Variants in MKLN1 observed in about 807,000 individuals in gnomAD.
MKLN1 encodes the protein muskelin 1.
Under a neutral mutation model 99.0 loss-of-function variants are expected in MKLN1, and 18 were observed. The ratio of observed to expected loss-of-function variants is 0.18; its 90% CI spans 0.13 to 0.27. The LOEUF is 0.27. Ranked by LOEUF, MKLN1 falls within the 10% of genes least tolerant of loss-of-function variation. MKLN1 has a pLI of 1.00. For missense variants in MKLN1, 621 were observed against 875.9 expected (o/e 0.71, Z 3.67); for synonymous variants, 288 against 293.2 (o/e 0.98, Z 0.18).
intron 3 of MKLN1, among the ~76,000 whole-genome samples, chr7:131,227,895 T>A (rs1797181653): frequency 6.6e-6 from 1 of 152,032 alleles, no homozygotes; most frequent in African/African-American, 2.4e-5. Context: ...TTATTATGCA[T>A]CCTTTGCTCA....
At chr7:131,473,457 A>G (rs1796883933) in intron 16 of MKLN1, among the ~76,000 whole-genome samples, 1 of 152,134 alleles carries the variant, frequency 6.6e-6, no homozygotes, top group Admixed American at 6.5e-5. Context: ...AAAAAATGTT[A>G]TTGGCTTCCT....
At chr7:131,171,823 T>C (rs945477829) in intron 2 of MKLN1, among the ~76,000 whole-genome samples, 1 of 152,196 alleles carries the variant, frequency 6.6e-6, no homozygotes, top group African/African-American at 2.4e-5. Context: ...AAATACAACA[T>C]TGACAAAGAA....
intron 3 of MKLN1, among the ~76,000 whole-genome samples, chr7:131,278,774 G>A (rs1222736204): frequency 2.0e-5 from 3 of 151,278 alleles, no homozygotes; most frequent in Non-Finnish European, 2.9e-5. Context: ...TTAAAATTTA[G>A]TTTTTTGTAG....
chr7:131,393,777 A>G (rs868798186), intron 4 of MKLN1, among the ~76,000 whole-genome samples: 2 of 152,004 alleles, frequency 1.3e-5, no homozygotes, highest in African/African-American at 2.4e-5. Flanking sequence ...GGCACATACT[A>G]TCATGCCCAG....
intron 1 of MKLN1, among the ~76,000 whole-genome samples, chr7:131,133,642 G>A (rs974713109): frequency 1.3e-5 from 2 of 150,970 alleles, no homozygotes; most frequent in African/African-American, 4.9e-5. Flanking sequence ...GTGAGCCACC[G>A]CGCCCAGCCT....
chr7:131,360,707 CAT>C (rs983877180), intron 1 of MKLN1, among the ~76,000 whole-genome samples: 1 of 152,072 alleles, frequency 6.6e-6, no homozygotes, highest in African/African-American at 2.4e-5. Flanking sequence ...GTAAAAAATA[CAT>C]GTTTTAATTT....
intron 16 of MKLN1, among the ~76,000 whole-genome samples, chr7:131,474,540 G>A (rs1031502451): frequency 2.0e-5 from 3 of 152,148 alleles, no homozygotes; most frequent in African/African-American, 7.2e-5. Flanking sequence ...TATTTAATCA[G>A]ATTGTTAAGA....
rs552347646 is a variant in MKLN1, at chr7:131,155,417, A to G, written c.-297+12476A>G. Among the ~76,000 whole-genome samples the G allele has an allele frequency of 3.2e-3, 484 of 152,338 alleles. 7 individuals are homozygous for G. The highest frequency in any genetic ancestry group is 4.1e-3 in the Non-Finnish European group (281 of 68,026). On this transcript the variant is annotated intron_variant, in intron 2 of 7. Coordinates refer to the MKLN1 transcript ENST00000416992. ...ACTGAATTATAAATCCTTTAGTTGT[A>G]AACATACATATATCGTGAATGTATT...
chr7:131,345,373 T>C (rs1799528263), intron 1 of MKLN1, among the ~76,000 whole-genome samples: 1 of 152,230 alleles, frequency 6.6e-6, no homozygotes, highest in Non-Finnish European at 1.5e-5. Flanking sequence ...TGCAGTGTCA[T>C]GTCAGAACTC....
At chr7:131,323,513 G>C (rs1477987471), upstream of MKLN1, 3 of 152,130 alleles carry the variant, frequency 2.0e-5, no homozygotes, top group African/African-American at 7.2e-5. Context: ...TATATCAAAA[G>C]ATCCCCATTT....
At chr7:131,149,782 T>G (rs1000818325) in intron 2 of MKLN1, among the ~76,000 whole-genome samples, 1 of 152,236 alleles carries the variant, frequency 6.6e-6, no homozygotes, top group Non-Finnish European at 1.5e-5. Context: ...TTTTAATTCT[T>G]AACTTTGAGT....
At chr7:131,332,997 C>T (rs1462762068) in intron 1 of MKLN1, among the ~76,000 whole-genome samples, 1 of 152,166 alleles carries the variant, frequency 6.6e-6, no homozygotes, top group East Asian at 1.9e-4. Context: ...CATCTTGGCT[C>T]ACTGCAAACT....
chr7:131,343,681 A>G (rs1350122045), intron 1 of MKLN1, among the ~76,000 whole-genome samples: 1 of 152,180 alleles, frequency 6.6e-6, no homozygotes, highest in Non-Finnish European at 1.5e-5. Context: ...AAATTTAAAT[A>G]TATTGAAAAT....
chr7:131,246,894 T>C (rs57996581), intron 3 of MKLN1, among the ~76,000 whole-genome samples: 3,563 of 152,298 alleles, frequency 0.023, 111 homozygotes, highest in African/African-American at 0.081. Flanking sequence ...GGTTTCTTTC[T>C]GTACCTGTAG....
At chr7:131,433,521 GA>G (rs1795587205) in intron 9 of MKLN1, among the ~76,000 whole-genome samples, 1 of 152,064 alleles carries the variant, frequency 6.6e-6, no homozygotes, top group African/African-American at 2.4e-5. Flanking sequence ...ATCCATTAAT[GA>G]AACTTAAAGC....
At chr7:131,298,710 C>G (rs1479482764) in intron 3 of MKLN1, among the ~76,000 whole-genome samples, 3 of 152,188 alleles carry the variant, frequency 2.0e-5, no homozygotes, top group African/African-American at 4.8e-5. Flanking sequence ...GGCTTCCACT[C>G]TACTCTTGTA....
intron 12 of MKLN1, among the ~76,000 whole-genome samples, chr7:131,447,704 A>G (rs561036912): frequency 2.6e-5 from 4 of 152,338 alleles, no homozygotes; most frequent in African/African-American, 9.6e-5. Context: ...AGGCAATCAC[A>G]GTCTCTCAAA....
chr7:131,376,095 AATATATAT>A (rs60323728), intron 2 of MKLN1, among the ~76,000 whole-genome samples: 1,621 of 108,024 alleles, frequency 0.015, 46 homozygotes, highest in African/African-American at 0.036. Flanking sequence ...AATTCATGGA[AATATATAT>A]ATATATATAT....
intron 3 of MKLN1, among the ~76,000 whole-genome samples, chr7:131,240,142 C>T (rs1797380463): frequency 1.3e-5 from 2 of 152,176 alleles, no homozygotes; most frequent in Non-Finnish European, 2.9e-5. Context: ...GATCATGCCA[C>T]TGTACTCCAG....
Sources: gnomAD v4.1 joint callset for allele counts (sites outside exome capture counted in the v4.1 genomes callset) on GRCh38, gnomAD v4.1.1 for gene constraint, MANE v1.5 for transcripts, NCBI Gene and HGNC (gene_info 2026-07-23, HGNC 2026-07-21) for gene names.